Variants in BEND3 observed in about 807,000 individuals in gnomAD.
The protein encoded by BEND3 is BEN domain-containing protein 3.
A neutral mutation model predicts 60.1 loss-of-function variants in BEND3; 13 were observed. The observed-to-expected ratio is 0.22, with a 90% CI of 0.14 to 0.34. BEND3 has a LOEUF of 0.34. BEND3 is among the 10% of genes least tolerant of loss of function. The probability of loss-of-function intolerance (pLI) is 1.00; values close to 1 mark genes in which losing one functional copy is unlikely to be tolerated. For missense variants in BEND3, 896 were observed against 1,138.1 expected, an observed-to-expected ratio of 0.79 and a Z score of 3.06; for synonymous variants, 497 against 491.5, an observed-to-expected ratio of 1.01 and a Z score of -0.15.
Position 107,098,747 on chromosome 6 carries a change from T to C in BEND3, c.44A>G (p.Lys15Arg). Reference protein sequence around the residue: ...EFTEDVEEVLKSITVKVETEA... With the variant: ...EFTEDVEEVLRSITVKVETEA... ...TGTCTCCACTTTCACAGTGATACTT[T>C]TTAGAACTGTGTCAGAGAAGAAATA... Residue 15 changes from lysine to arginine, a missense_variant, in exon 3 of 4, where the codon AAA becomes AGA. Physicochemically the swap from Lys to Arg is conservative, Grantham distance 26. This residue lies in a region of BEND3 where 846 missense variants were observed against 1,036.7 expected (regional missense o/e 0.82). Coordinates refer to ENST00000369042, the MANE Select transcript of BEND3 (RefSeq NM_001367314.1). The C allele has an allele frequency of 6.2e-7, 1 of 1,613,660 alleles. No homozygotes were observed.
chr6:107,108,205 C>G (rs1554237806), intron 1 of BEND3, among the ~76,000 whole-genome samples: 1 of 152,200 alleles, frequency 6.6e-6, no homozygotes, highest in African/African-American at 2.4e-5. Flanking sequence ...CCGCATGCAG[C>G]CAAGCACAGC....
chr6:107,090,502 A>G (rs9486520), intron 3 of BEND3, among the ~76,000 whole-genome samples: 2,407 of 152,276 alleles, frequency 0.016, 79 homozygotes, highest in African/African-American at 0.056. Context: ...TAAAAACTTT[A>G]TTTTTCTTAC....
chr6:107,072,290 A>G (rs1417345183), intron 3 of BEND3, among the ~76,000 whole-genome samples: 1 of 152,144 alleles, frequency 6.6e-6, no homozygotes, highest in African/African-American at 2.4e-5. Context: ...CTTAAGCTCT[A>G]GTGTACACAC....
At chr6:107,104,171 T>G (rs1372513837) in intron 1 of BEND3, among the ~76,000 whole-genome samples, 15 of 149,750 alleles carry the variant, frequency 1.0e-4, no homozygotes, top group South Asian at 6.3e-4. Context: ...GCGCCCATAG[T>G]CCCAGCTACT....
chr6:107,075,130 G>A (rs1431089470), intron 3 of BEND3, among the ~76,000 whole-genome samples: 2 of 151,956 alleles, frequency 1.3e-5, no homozygotes, highest in African/African-American at 4.8e-5. Context: ...GGAGGCTTAG[G>A]TGGGAGGATC....
intron 3 of BEND3, 47 bp downstream of exon 3, chr6:107,098,502 CAG>C: frequency 6.3e-7 from 1 of 1,580,964 alleles, no homozygotes; most frequent in Non-Finnish European, 8.6e-7. Context: ...AGCATGGAAT[CAG>C]AGAGGGTTAG....
chr6:107,089,212 A>C (rs1287493412), intron 3 of BEND3, among the ~76,000 whole-genome samples: 3 of 152,114 alleles, frequency 2.0e-5, no homozygotes, highest in African/African-American at 7.2e-5. Flanking sequence ...AAGAAGACAC[A>C]AAAAAAGGAA....
intron 3 of BEND3, among the ~76,000 whole-genome samples, chr6:107,071,897 T>C (rs1554232135): frequency 6.6e-6 from 1 of 152,108 alleles, no homozygotes; most frequent in Non-Finnish European, 1.5e-5. Context: ...GAGAATGAAA[T>C]GGAGAACGTC....
rs530230829 is a variant in BEND3, at chr6:107,095,504, A to G, written c.240+3047T>C. On this transcript the variant is annotated intron_variant, in intron 3 of 3. Transcript: ENST00000369042. Reference sequence around the variant, plus strand: ...CAGCCACTTTGGAAGGCAGTTTGGTAGTTTTTTACCAAACTAAACATAATC... The same window carrying G: ...CAGCCACTTTGGAAGGCAGTTTGGTGGTTTTTTACCAAACTAAACATAATC... 1.2e-4 allele frequency among the ~76,000 whole-genome samples: 18 copies of G among 152,324 alleles called. No homozygotes were observed. In the South Asian group the frequency reaches 1.4e-3, roughly 12 times the overall value.
chr6:107,080,354 C>CAAAAAAAAAAA (rs11402351), intron 3 of BEND3, among the ~76,000 whole-genome samples: 10 of 83,238 alleles, frequency 1.2e-4, no homozygotes, highest in African/African-American at 3.3e-4. Context: ...GATCCCATCT[C>CAAAAAAAAAAA]AAAAAAAAAA....
At chr6:107,097,459 G>GAAAAAA (rs58493728) in intron 3 of BEND3, among the ~76,000 whole-genome samples, 4 of 146,178 alleles carry the variant, frequency 2.7e-5, no homozygotes, top group African/African-American at 1.0e-4. Flanking sequence ...TAAAGAGTTA[G>GAAAAAA]AAAAAAAAAA....
At chr6:107,105,648 G>A (rs1258300251) in intron 1 of BEND3, among the ~76,000 whole-genome samples, 4 of 152,210 alleles carry the variant, frequency 2.6e-5, no homozygotes, top group African/African-American at 9.7e-5. Context: ...GTGGGCCGGG[G>A]AGTCACACAG....
At chr6:107,071,909 G>T (rs1385890170) in intron 3 of BEND3, among the ~76,000 whole-genome samples, 16 of 152,224 alleles carry the variant, frequency 1.1e-4, no homozygotes, top group Admixed American at 1.0e-3. Flanking sequence ...GAGAACGTCA[G>T]TGGGTGACAG....
Position 107,069,580 on chromosome 6 carries a change from G to GTCGA in BEND3, c.1607_1610dup (p.Lys538ArgfsTer9). On this transcript the variant is annotated frameshift_variant, in exon 4 of 4. Coordinates refer to ENST00000369042, the MANE Select transcript of BEND3 (RefSeq NM_001367314.1). LOFTEE classifies it high-confidence loss of function. ...AGTCAGGCTGGGGGATCTCTAACTTGTCGAAGTCGATGGGCACCAGCCAGA... is the reference window on the plus strand; with the variant it reads ...AGTCAGGCTGGGGGATCTCTAACTTGTCGATCGAAGTCGATGGGCACCAGCCAGA... 1 of 1,612,952 alleles carries GTCGA rather than the reference G, an allele frequency of 6.2e-7. No individual in the cohort carries two copies. Among genetic ancestry groups the GTCGA allele is most frequent in the Non-Finnish European group, 8.5e-7 (1 of 1,180,020 alleles).
chr6:107,109,824 G>A (rs1201174093), intron 1 of BEND3, among the ~76,000 whole-genome samples: 1 of 151,536 alleles, frequency 6.6e-6, no homozygotes, highest in Non-Finnish European at 1.5e-5. Context: ...CAGTGAGCCG[G>A]GATCATGCCA....
rs1232209613 is a variant in BEND3 at position 107,073,197 on chromosome 6, GTATGTATATATATA to G, written c.241-2261_241-2248del. Reference sequence around the variant, plus strand: ...AATACTTCCTTCAGGGTTTGTATGTGTATGTATATATATATATATATATATATATATATATATAT... The same window carrying G: ...AATACTTCCTTCAGGGTTTGTATGTGTATATATATATATATATATATATAT... On this transcript the variant is annotated intron_variant, in intron 3 of 3. Transcript: ENST00000369042. 6.9e-4 allele frequency among the ~76,000 whole-genome samples: 21 copies of G among 30,216 alleles called. 5 individuals are homozygous for G. Among genetic ancestry groups the G allele is most frequent in the South Asian group, 4.9e-3 (5 of 1,028 alleles). 19.8% of individuals were successfully genotyped at this position (30,216 alleles called of 152,430 possible). A position where few individuals can be genotyped will look rare whatever the true frequency, so the allele number is the denominator to read the frequency against.
rs183004727 is a variant in BEND3 at position 107,079,073 on chromosome 6, A to C, written c.241-8123T>G. On this transcript the variant is annotated intron_variant, in intron 3 of 3. Transcript: ENST00000369042. The stretch of plus-strand genomic sequence containing the variant: ...TCCAGAGGAGCGGATCAGTGGAAGA[A>C]GATACAAGCAACTGGATGTCTACAG... Among the ~76,000 whole-genome samples, 34 of 152,260 alleles carry C rather than the reference A, an allele frequency of 2.2e-4. No individual in the cohort carries two copies. The East Asian group carries it at 5.8e-3, about 26-fold the overall frequency.
intron 3 of BEND3, among the ~76,000 whole-genome samples, chr6:107,088,215 G>A (rs557004474): frequency 2.0e-5 from 3 of 151,884 alleles, no homozygotes; most frequent in Non-Finnish European, 4.4e-5. Flanking sequence ...TGGTAGGCTG[G>A]ACACGGCTGA....
At chr6:107,094,650 AT>A in intron 3 of BEND3, among the ~76,000 whole-genome samples, 1 of 150,914 alleles carries the variant, frequency 6.6e-6, no homozygotes, top group Admixed American at 6.6e-5. Context: ...AAATAAATAA[AT>A]AAATAAATAA....
Sources: allele counts gnomAD v4.1 joint callset (sites outside exome capture counted in the v4.1 genomes callset), GRCh38; gene constraint gnomAD v4.1.1; regional missense constraint gnomAD v4.1.1; transcripts MANE v1.5; gene names NCBI Gene and HGNC (gene_info 2026-07-23, HGNC 2026-07-21).